Variants in TTLL3 observed in about 807,000 individuals in gnomAD.
TTLL3 encodes tubulin monoglycylase TTLL3.
Under a neutral mutation model 75.2 loss-of-function variants are expected in TTLL3, and 63 were observed. That is an observed-to-expected ratio of 0.84 (90% confidence interval 0.68 to 1.03). TTLL3 has a LOEUF of 1.03. TTLL3 is among the 50% of genes least tolerant of loss of function. The pLI is 0.00. For missense variants in TTLL3, 997 were observed against 1,069.9 expected, an observed-to-expected ratio of 0.93 and a Z score of 0.95; for synonymous variants, 393 against 418.5, an observed-to-expected ratio of 0.94 and a Z score of 0.74.
chr3:9,814,602 C>T (rs1006251546), intron 4 of TTLL3, among the ~76,000 whole-genome samples: 4 of 151,628 alleles, frequency 2.6e-5, no homozygotes, highest in South Asian at 2.1e-4. Context: ...GAGCTGAGAT[C>T]GCGCCACTGC....
At chr3:9,834,449 G>C (rs926778022) in intron 12 of TTLL3, 1 of 726,956 alleles carries the variant, frequency 1.4e-6, no homozygotes, top group African/African-American at 1.7e-5. Context: ...GAAGTTTAAG[G>C]AAGTTGCCCA....
rs1159883636 is a variant in TTLL3 at position 9,810,638 on chromosome 3, C to T, written c.-24C>T. 3 of 1,573,458 alleles carry T rather than the reference C, an allele frequency of 1.9e-6. No homozygotes were observed. Among genetic ancestry groups the T allele is most frequent in the South Asian group, 1.2e-5 (1 of 85,548 alleles). ...TTCTGCAGGTTTCCCGGTCCTCTGG[C>T]GAGGATCCTCCAAGGCGTCTCACAT... On this transcript the variant is annotated 5_prime_UTR_variant, in exon 2 of 14. Coordinates refer to ENST00000685419, the MANE Select transcript of TTLL3 (RefSeq NM_001387446.1). The surrounding 1 kb of genome is among the most constrained non-coding windows in gnomAD (Gnocchi z 4.4).
Position 9,829,346 on chromosome 3 carries a change from T to A in TTLL3, c.1634T>A (p.Met545Lys), listed in dbSNP as rs2290305. Reference sequence around the variant, plus strand: ...ACCCTGCGCGTGGTCATTGACCGGATGCTGGACCGCAACTGTGACACAGGA... The same window carrying A: ...ACCCTGCGCGTGGTCATTGACCGGAAGCTGGACCGCAACTGTGACACAGGA... ...ADTLRVVIDR[M>K]LDRNCDTGAF... Residue 545 changes from methionine to lysine, a missense_variant, in exon 11 of 14, where the codon ATG (methionine) becomes AAG (lysine). Transcript: ENST00000685419. 3.7e-6 allele frequency: 6 copies of A among 1,610,550 alleles called. No homozygotes were observed. Among genetic ancestry groups the A allele is most frequent in the East Asian group, 2.2e-5 (1 of 44,806 alleles).
chr3:9,816,551 C>T (rs1039526925), intron 5 of TTLL3, among the ~76,000 whole-genome samples: 3 of 34,658 alleles, frequency 8.7e-5, no homozygotes, highest in African/African-American at 3.3e-4. Context: ...GAGTCTTGCT[C>T]TGTCTCCCAG....
chr3:9,822,062 CTTTTTT>C (rs1201552537), intron 8 of TTLL3, among the ~76,000 whole-genome samples: 2 of 75,358 alleles, frequency 2.7e-5, no homozygotes, highest in Non-Finnish European at 2.4e-5. Flanking sequence ...GCACGAGTCC[CTTTTTT>C]TTTTTTTTTT....
chr3:9,822,856 G>T (rs942130899), intron 8 of TTLL3, among the ~76,000 whole-genome samples: 2 of 143,146 alleles, frequency 1.4e-5, no homozygotes, highest in African/African-American at 2.5e-5. Context: ...CAATCCGCCC[G>T]CCTTGGCCTC....
At chr3:9,815,967 C>T in intron 4 of TTLL3, 107 bp from the exon 5 acceptor site, 1 of 1,121,320 alleles carries the variant, frequency 8.9e-7, no homozygotes, top group Non-Finnish European at 1.2e-6. Context: ...TTGGAAGCAT[C>T]CTCTCCTTCC....
chr3:9,827,273 C>T (rs1265231705), intron 10 of TTLL3, 33 bp downstream of exon 10: 1 of 1,606,726 alleles, frequency 6.2e-7, no homozygotes, highest in Admixed American at 1.7e-5. Context: ...CACGAGCTCC[C>T]TGCCTAGTTG....
Position 9,820,732 on chromosome 3 carries a change from A to C in TTLL3, c.845A>C (p.Gln282Pro), listed in dbSNP as rs148535110. The C allele has an allele frequency of 2.3e-4, 376 of 1,613,912 alleles. No homozygotes were observed. Among genetic ancestry groups the C allele is most frequent in the Non-Finnish European group, 3.0e-4 (355 of 1,179,970 alleles). ...GWSLFLQRYYQVVHEGAELRH... is the reference protein window; with the variant it reads ...GWSLFLQRYYPVVHEGAELRH... ...TCCCTCTTCCTCCAGCGCTACTACCAAGTGGTCCAGTGAGTCCCCTGCAGC... is the reference window on the plus strand; with the variant it reads ...TCCCTCTTCCTCCAGCGCTACTACCCAGTGGTCCAGTGAGTCCCCTGCAGC... Residue 282 changes from glutamine to proline, a missense_variant, in exon 8 of 14, where the codon CAA becomes CCA. Transcript: ENST00000685419.
rs376193519 is a variant in TTLL3, at chr3:9,835,204, A to G, written c.2163A>G (p.Ala721=). 13 of 1,614,124 alleles carry G rather than the reference A, an allele frequency of 8.1e-6. No individual in the cohort carries two copies. Among genetic ancestry groups the G allele is most frequent in the African/African-American group, 1.3e-5 (1 of 74,944 alleles). ...LAPVGRSRPK[A]NSRPDCDKPR... is the part of the protein sequence containing the mutation. ...CTGTCGGAAGGTCAAGGCCAAAGGC[A>G]AATTCAAGGCCAGACTGTGACAAAC... is the stretch of plus-strand genomic sequence containing the variant. The change falls in exon 14 of 14, where the codon GCA becomes GCG. Residue 721 remains alanine, a synonymous_variant. Coordinates refer to ENST00000685419, the MANE Select transcript of TTLL3 (RefSeq NM_001387446.1).
At chr3:9,831,010 C>T (rs1295669419) in intron 11 of TTLL3, among the ~76,000 whole-genome samples, 1 of 152,056 alleles carries the variant, frequency 6.6e-6, no homozygotes. Context: ...ACCATGTTAG[C>T]CAGGATGGTC....
intron 8 of TTLL3, chr3:9,821,042 G>A: frequency 2.6e-6 from 1 of 378,170 alleles, no homozygotes; most frequent in Non-Finnish European, 4.7e-6. Context: ...TATGAAAAAA[G>A]GGCTTTTGTG....
At chr3:9,820,474 A>C in intron 7 of TTLL3, 72 bp from the exon 8 acceptor site, 1 of 1,588,118 alleles carries the variant, frequency 6.3e-7, no homozygotes, top group Non-Finnish European at 8.6e-7. Context: ...GCCTTAGGAC[A>C]ATGGGGGCTG....
intron 11 of TTLL3, 72 bp from the exon 12 acceptor site, chr3:9,833,032 T>TCTGGGTCCCG: frequency 1.9e-6 from 3 of 1,578,956 alleles, no homozygotes; most frequent in South Asian, 1.1e-5. Flanking sequence ...CCATCTCTAC[T>TCTGGGTCCCG]CTGGGTCCCG....
intron 6 of TTLL3, chr3:9,818,091 A>T: frequency 4.5e-6 from 1 of 221,772 alleles, no homozygotes; most frequent in Admixed American, 5.3e-5. Flanking sequence ...GTTCCAAAAA[A>T]GGCTGCAGGC....
At chr3:9,827,320 G>C in intron 10 of TTLL3, 80 bp downstream of exon 10, 1 of 1,569,078 alleles carries the variant, frequency 6.4e-7, no homozygotes, top group Non-Finnish European at 8.7e-7. Context: ...ACAGTGCAGG[G>C]GACTCGCGCA....
chr3:9,829,511 C>A, intron 11 of TTLL3, 116 bp downstream of exon 11: 1 of 1,353,690 alleles, frequency 7.4e-7, no homozygotes, highest in Non-Finnish European at 9.8e-7. Context: ...GATTCAAGTC[C>A]TGGTCCTGCT....
At position 9,829,510 on chromosome 3, in the gene TTLL3, C is replaced by T. The variant is rs2081336269; in HGVS notation, c.1683+115C>T. ...CCCAGTTTAAGACCCAGATTCAAGT[C>T]CTGGTCCTGCTAAGGTGACCTCACT... On this transcript the variant is annotated intron_variant, in intron 11 of 13. Coordinates refer to ENST00000685419, the MANE Select transcript of TTLL3 (RefSeq NM_001387446.1). 2.9e-6 allele frequency: 4 copies of T among 1,356,034 alleles called. No homozygotes were observed. The African/African-American group carries it at 4.4e-5, about 15-fold the overall frequency. 84.0% of individuals were successfully genotyped at this position (1,356,034 alleles called of 1,614,324 possible). A position where few individuals can be genotyped will look rare whatever the true frequency, so the allele number is the denominator to read the frequency against.
chr3:9,833,244 A>T lies in TTLL3; in HGVS notation c.1824A>T (p.Glu608Asp). ...TGCTGACCCAGCGAGGCTCTGGGGA[A>T]GGCAAGGACTCGGGGACCCCTACCC... ...VPLLTQRGSG[E>D]ARHHFPSLHT... The change falls in exon 12 of 14, where the codon GAA becomes GAT. Residue 608 changes from glutamate (E) to aspartate (D), a missense_variant and splice_region_variant. By Grantham distance (45) the Glu-to-Asp change is conservative. Coordinates refer to ENST00000685419, the MANE Select transcript of TTLL3 (RefSeq NM_001387446.1). The T allele has an allele frequency of 1.9e-6, 3 of 1,613,836 alleles. No homozygotes were observed. The highest frequency in any genetic ancestry group is 1.7e-6 in the Non-Finnish European group (2 of 1,179,894).
Sources: gnomAD v4.1 joint callset for allele counts (sites outside exome capture counted in the v4.1 genomes callset) on GRCh38, gnomAD v4.1.1 for gene constraint, Gnocchi (gnomAD v3.1) non-coding constraint, MANE v1.5 for transcripts, NCBI Gene and HGNC (gene_info 2026-07-23, HGNC 2026-07-21) for gene names.